The following MACF1 variants were observed in gnomAD, a reference collection of about 807,000 sequenced individuals.
The protein encoded by MACF1 is microtubule actin crosslinking factor 1.
Under a neutral mutation model 854.8 loss-of-function variants are expected in MACF1, and 193 were observed. The ratio of observed to expected loss-of-function variants is 0.23; its 90% CI spans 0.20 to 0.25. The LOEUF (loss-of-function observed/expected upper bound fraction) is 0.25. MACF1 is among the 10% of genes least tolerant of loss of function. The pLI, the probability that MACF1 is intolerant of heterozygous loss-of-function variation, is 1.00. For missense variants in MACF1, 7,722 were observed against 8,929.1 expected (o/e 0.86, Z 5.45); for synonymous variants, 3,185 against 3,226.7 (o/e 0.99, Z 0.44).
Position 39,428,203 on chromosome 1 carries a change from G to A in MACF1, c.16719G>A (p.Leu5573=). 1 of 1,614,166 alleles carries A rather than the reference G, an allele frequency of 6.2e-7. No homozygotes were observed. Among genetic ancestry groups the A allele is most frequent in the Non-Finnish European group, 8.5e-7 (1 of 1,180,030 alleles). ...GEDEVEVLNW[L]AEVEDKLSSV... The stretch of plus-strand genomic sequence containing the variant: ...ATGAGGTGGAGGTGCTCAACTGGCT[G>A]GCTGAGGTTGAGGACAAGCTCAGTT... The change falls in exon 63 of 101, where the codon CTG becomes CTA. Residue 5573 remains leucine, a synonymous_variant. Coordinates refer to ENST00000564288, the MANE Select transcript of MACF1 (RefSeq NM_001394062.1).
intron 6 of MACF1, chr1:39,268,822 C>T (rs1344929705): frequency 2.3e-6 from 3 of 1,289,780 alleles, no homozygotes; most frequent in Non-Finnish European, 3.0e-6. Context: ...AAAATCCCTA[C>T]TCCAGAGGCA....
intron 52 of MACF1, among the ~76,000 whole-genome samples, chr1:39,376,463 C>G (rs547442814): frequency 6.4e-4 from 98 of 152,174 alleles, no homozygotes; most frequent in African/African-American, 2.3e-3. Flanking sequence ...CCCAGTTACC[C>G]CATGAGAGTT....
At chr1:39,198,251 A>G (rs979344319) in intron 2 of MACF1, among the ~76,000 whole-genome samples, 2 of 151,436 alleles carry the variant, frequency 1.3e-5, no homozygotes, top group Admixed American at 1.3e-4. Flanking sequence ...GCTCATGCCT[A>G]TAATCCCAGC....
At chr1:39,349,803 AT>A (rs962793077) in intron 42 of MACF1, among the ~76,000 whole-genome samples, 176 bp downstream of exon 42, 1 of 152,026 alleles carries the variant, frequency 6.6e-6, no homozygotes, top group Non-Finnish European at 1.5e-5. Context: ...TAATTTTTTA[AT>A]TTTTTTGTAG....
At chr1:39,123,717 GTTTTTTTTTT>G (rs1170430073) in intron 2 of MACF1, among the ~76,000 whole-genome samples, 4 of 100,468 alleles carry the variant, frequency 4.0e-5, no homozygotes, top group Non-Finnish European at 7.1e-5. Flanking sequence ...TTCTTGTTTT[GTTTTTTTTTT>G]TTTTTTTTTT....
At chr1:39,127,462 G>C (rs975731660) in intron 2 of MACF1, among the ~76,000 whole-genome samples, 2 of 152,198 alleles carry the variant, frequency 1.3e-5, no homozygotes, top group African/African-American at 4.8e-5. Flanking sequence ...TGATAACCCT[G>C]TGAAATAGAT....
chr1:39,299,388 C>A (rs1440714751), intron 21 of MACF1: 5 of 397,178 alleles, frequency 1.3e-5, no homozygotes, highest in Non-Finnish European at 2.5e-5. Flanking sequence ...TCTGGGGAGA[C>A]TTTTATACCT....
chr1:39,215,072 A>G (rs545820944), intron 1 of MACF1, among the ~76,000 whole-genome samples: 11 of 152,158 alleles, frequency 7.2e-5, no homozygotes, highest in Non-Finnish European at 1.0e-4. Context: ...TGTACGCTCT[A>G]TTGGTCTGGA....
chr1:39,349,652 ACAC>A (rs1466755076), intron 42 of MACF1, 25 bp downstream of exon 42: 9 of 1,611,374 alleles, frequency 5.6e-6, no homozygotes, highest in Non-Finnish European at 7.6e-6. Flanking sequence ...GTCAATTTTG[ACAC>A]AAAGTCTCGC....
chr1:39,204,118 A>T (rs958151843), upstream of MACF1: 1 of 152,150 alleles, frequency 6.6e-6, no homozygotes, highest in Admixed American at 6.6e-5. Flanking sequence ...TACTAAAAAT[A>T]TAAAAATTAG....
rs1642206718 is a variant in MACF1 at position 39,105,535 on chromosome 1, AGG to A, written c.220+21099_220+21100del. On this transcript the variant is annotated intron_variant, in intron 2 of 93. Transcript: ENST00000361689. The surrounding 1 kb of genome is among the most constrained non-coding windows in gnomAD (Gnocchi z 5.9). ...CCGTCGCCGTCTCTGAGACGCACAA[AGG>A]GTCGAGGCTGGGGCCGCCGCCGCCT... 1.8e-5 allele frequency: 19 copies of A among 1,033,626 alleles called. No homozygotes were observed. The highest frequency in any genetic ancestry group is 2.1e-5 in the Non-Finnish European group (18 of 862,256). 64.0% of individuals were successfully genotyped at this position (1,033,626 alleles called of 1,614,324 possible).
chr1:39,263,445 T>C (rs981188487), intron 6 of MACF1, among the ~76,000 whole-genome samples: 2 of 152,246 alleles, frequency 1.3e-5, no homozygotes, highest in African/African-American at 4.8e-5. Context: ...TCTCAAATAC[T>C]CGGAAGAGTA....
At chr1:39,410,870 G>A (rs779244677) in intron 58 of MACF1, 1 of 1,614,016 alleles carries the variant, frequency 6.2e-7, no homozygotes, top group Admixed American at 1.7e-5. Context: ...AAATCCATAG[G>A]TATTCCAGAG....
chr1:39,292,133 T>G, intron 16 of MACF1, 95 bp downstream of exon 16: 1 of 1,403,340 alleles, frequency 7.1e-7, no homozygotes, highest in Non-Finnish European at 9.6e-7. Context: ...AGGAGGAGGG[T>G]GCTCTGGAAA....
intron 41 of MACF1, 46 bp from the exon 42 acceptor site, chr1:39,349,432 A>C (rs1400899435): frequency 1.9e-6 from 3 of 1,556,062 alleles, no homozygotes; most frequent in Non-Finnish European, 2.6e-6. Flanking sequence ...GTATTTGCAA[A>C]ATGTGAATTA....
At chr1:39,234,795 G>T (rs1439214139) in intron 2 of MACF1, among the ~76,000 whole-genome samples, 1 of 105,196 alleles carries the variant, frequency 9.5e-6, no homozygotes, top group Non-Finnish European at 2.2e-5. Flanking sequence ...CAGACGGGGC[G>T]GCCGGGCAGA....
At chr1:39,377,177 A>G (rs939583286) in intron 52 of MACF1, among the ~76,000 whole-genome samples, 4 of 151,590 alleles carry the variant, frequency 2.6e-5, no homozygotes, top group African/African-American at 9.7e-5. Flanking sequence ...CACCCAGCTA[A>G]TTTTTTGCAT....
At chr1:39,306,106 G>A (rs1404466492) in intron 23 of MACF1, among the ~76,000 whole-genome samples, 2 of 151,784 alleles carry the variant, frequency 1.3e-5, no homozygotes, top group African/African-American at 2.4e-5. Context: ...AAGAATGAAT[G>A]AGTAGGTGAG....
chr1:39,120,013 A>G (rs1018449404), intron 2 of MACF1, among the ~76,000 whole-genome samples: 8 of 150,980 alleles, frequency 5.3e-5, no homozygotes, highest in Non-Finnish European at 1.0e-4. Context: ...CCTCCTGAGT[A>G]GCTGGGATTA....
Sources: gnomAD v4.1 joint callset for allele counts (sites outside exome capture counted in the v4.1 genomes callset) on GRCh38, gnomAD v4.1.1 for gene constraint, Gnocchi (gnomAD v3.1) non-coding constraint, MANE v1.5 for transcripts, NCBI Gene and HGNC (gene_info 2026-07-23, HGNC 2026-07-21) for gene names.